Variants in TRIP12 observed in about 807,000 individuals in gnomAD.
The protein encoded by TRIP12 is thyroid hormone receptor interactor 12, also known as E3 ubiquitin-protein ligase TRIP12.
TRIP12 carries 25 observed loss-of-function variants against 244.2 expected under a neutral mutation model. That is an observed-to-expected ratio of 0.10 (90% confidence interval 0.07 to 0.14). The LOEUF is 0.14. Ranked by LOEUF, TRIP12 falls within the 10% of genes least tolerant of loss-of-function variation. The pLI is 1.00. For synonymous variants in TRIP12, 905 were observed against 873.1 expected (o/e 1.04, Z -0.64); for missense variants, 1,677 against 2,486.4 (o/e 0.67, Z 6.92).
In TRIP12 at chr2:229,802,425, T is replaced by A; in HGVS notation, c.3033A>T (p.Ser1011=). The A allele has an allele frequency of 6.2e-7, 1 of 1,613,964 alleles. No individual in the cohort carries two copies. Residue 1011 remains serine, a synonymous_variant, in exon 21 of 42, where the codon TCA becomes TCT. Coordinates refer to ENST00000675903, the MANE Select transcript of TRIP12 (RefSeq NM_001348323.3). The stretch of plus-strand genomic sequence containing the variant: ...TTGGTGGACTTGTCAACAAAGACTC[T>A]GATTCTGCTAAGTGTTTTACTTGAT... ...VMHQVKHLAE[S]ESLLTSPPKA...
rs142650179 is a variant in TRIP12, at chr2:229,786,306, G to A, written c.4996-451C>T. Among the ~76,000 whole-genome samples the A allele has an allele frequency of 3.0e-3, 449 of 151,754 alleles. 2 individuals carry two copies. Among genetic ancestry groups the A allele is most frequent in the African/African-American group, 0.01 (429 of 41,358 alleles). On this transcript the variant is annotated intron_variant, in intron 33 of 41. Coordinates refer to ENST00000675903, the MANE Select transcript of TRIP12 (RefSeq NM_001348323.3). ...CCTACAAGCACTACTACAAACACCT[G>A]CAAATGAGATTTTAAAAGGTCCTGC...
At position 229,815,246 on chromosome 2, in the gene TRIP12, C is replaced by T. The variant is rs180934231; in HGVS notation, c.1635+27G>A. ...AAAAACTCAAAACTTAAATATACAC[C>T]ATTAAAAAAATACAATATATACTTA... On this transcript the variant is annotated intron_variant, in intron 10 of 41. Transcript: ENST00000675903. 7.8e-6 allele frequency: 12 copies of T among 1,539,986 alleles called. No homozygotes were observed. In the African/African-American group the frequency reaches 1.4e-4, roughly 18 times the overall value.
chr2:229,914,706 G>T (rs1192628608), intron 1 of TRIP12, among the ~76,000 whole-genome samples: 1 of 152,154 alleles, frequency 6.6e-6, no homozygotes, highest in Non-Finnish European at 1.5e-5. Context: ...TAGGAGTTTT[G>T]AAGTCAGGGT....
intron 41 of TRIP12, 91 bp downstream of exon 41, chr2:229,768,525 A>C (rs1192942052): frequency 8.6e-7 from 1 of 1,165,436 alleles, no homozygotes; most frequent in African/African-American, 1.6e-5. Context: ...TGCAAGTGAG[A>C]TAAAGAATCT....
chr2:229,789,806 AG>A (rs756937057), intron 30 of TRIP12, 44 bp from the exon 31 acceptor site: 2 of 1,605,998 alleles, frequency 1.2e-6, no homozygotes, highest in Non-Finnish European at 1.7e-6. Context: ...AAAGTTAGAA[AG>A]GCTAAGCCAG....
At position 229,829,127 on chromosome 2, in the gene TRIP12, G is replaced by T. The variant is rs2052595923; in HGVS notation, c.1450+66C>A. 49 of 1,448,294 alleles carry T rather than the reference G, an allele frequency of 3.4e-5. No individual in the cohort carries two copies. The South Asian group carries it at 5.7e-4, about 17-fold the overall frequency. The allele number at this position is 1,448,294 out of a possible 1,614,324, so 89.7% of individuals were successfully genotyped here. On this transcript the variant is annotated intron_variant, in intron 8 of 41. Coordinates refer to ENST00000675903, the MANE Select transcript of TRIP12 (RefSeq NM_001348323.3). ...AACTTCTTAATACTTACATCAATAG[G>T]TTACAAGTAACAATAGCAGTTGGCT...
chr2:229,877,672 CA>C (rs2063871559), intron 2 of TRIP12, among the ~76,000 whole-genome samples: 1 of 152,178 alleles, frequency 6.6e-6, no homozygotes, highest in Admixed American at 6.5e-5. Flanking sequence ...GCAAGAGTCC[CA>C]ATGCAACCTG....
chr2:229,877,251 T>G (rs1422325380), intron 2 of TRIP12, among the ~76,000 whole-genome samples: 1 of 152,006 alleles, frequency 6.6e-6, no homozygotes, highest in Non-Finnish European at 1.5e-5. Flanking sequence ...ATTTACAAAA[T>G]TTTTTAGGCT....
chr2:229,912,479 G>A (rs965236569), intron 1 of TRIP12, among the ~76,000 whole-genome samples: 3 of 151,860 alleles, frequency 2.0e-5, no homozygotes, highest in African/African-American at 7.3e-5. Flanking sequence ...TCATATATAT[G>A]GACCCTCTAC....
At chr2:229,802,890 C>CA (rs1011792243) in intron 20 of TRIP12, among the ~76,000 whole-genome samples, 151 of 148,078 alleles carry the variant, frequency 1.0e-3, no homozygotes, top group African/African-American at 2.1e-3. Flanking sequence ...ACACTGCCAC[C>CA]AAAAAAAAAA....
At chr2:229,822,995 AG>A (rs1441806086) in intron 8 of TRIP12, among the ~76,000 whole-genome samples, 1 of 152,240 alleles carries the variant, frequency 6.6e-6, no homozygotes, top group African/African-American at 2.4e-5. Flanking sequence ...ACTGATCAAT[AG>A]GAAGTTTTCC....
intron 1 of TRIP12, among the ~76,000 whole-genome samples, chr2:229,909,322 G>A (rs902726496): frequency 6.6e-6 from 1 of 151,890 alleles, no homozygotes; most frequent in African/African-American, 2.4e-5. Context: ...ACAGTGGAAG[G>A]ATCACTTGAG....
intron 1 of TRIP12, among the ~76,000 whole-genome samples, chr2:229,883,169 A>C (rs141650908): frequency 0.023 from 3,502 of 152,266 alleles, 58 homozygotes; most frequent in Middle Eastern, 0.065. Flanking sequence ...CAAATGAAGA[A>C]AGTTCCAAGT....
chr2:229,770,191 A>G (rs987252371), intron 39 of TRIP12, among the ~76,000 whole-genome samples: 3 of 152,092 alleles, frequency 2.0e-5, no homozygotes, highest in African/African-American at 7.2e-5. Flanking sequence ...CTAATCTTAA[A>G]TTTCCGAGCT....
At chr2:229,786,154 G>A (rs1396111289) in intron 33 of TRIP12, among the ~76,000 whole-genome samples, 3 of 152,104 alleles carry the variant, frequency 2.0e-5, no homozygotes, top group African/African-American at 7.2e-5. Context: ...AAATATCAGT[G>A]CAATTCTCAG....
intron 26 of TRIP12, among the ~76,000 whole-genome samples, chr2:229,793,582 T>A (rs1009983601): frequency 6.6e-6 from 1 of 152,226 alleles, no homozygotes; most frequent in African/African-American, 2.4e-5. Flanking sequence ...CAATATTACA[T>A]TAAAAACTAA....
At chr2:229,821,626 T>C (rs1455875483) in intron 8 of TRIP12, among the ~76,000 whole-genome samples, 1 of 152,204 alleles carries the variant, frequency 6.6e-6, no homozygotes, top group Non-Finnish European at 1.5e-5. Context: ...AAATATTCTC[T>C]TTTAAAATGT....
chr2:229,789,634 G>C lies in TRIP12; in HGVS notation c.4672C>G (p.Arg1558Gly), dbSNP rs1452438528. Residue 1558 changes from arginine to glycine, a missense_variant, in exon 31 of 42, where the codon CGA becomes GGA. Arg to Gly is a moderately radical substitution (Grantham distance 125). This residue lies in a region of TRIP12 where 265 missense variants were observed against 370.8 expected (regional missense o/e 0.71). Transcript: ENST00000675903. The stretch of plus-strand genomic sequence containing the variant: ...ACATCATACAAGTAATACCAGTATC[G>C]ACTGATAGCATGTAAAACTCTTAAA... Reference protein sequence around the residue: ...LLLRVLHAISRYWYYLYDNAM... With the variant: ...LLLRVLHAISGYWYYLYDNAM... 1 of 1,613,638 alleles carries C rather than the reference G, an allele frequency of 6.2e-7. No individual in the cohort carries two copies.
intron 6 of TRIP12, among the ~76,000 whole-genome samples, chr2:229,833,831 A>G (rs2054076079): frequency 6.6e-6 from 1 of 151,832 alleles, no homozygotes; most frequent in Non-Finnish European, 1.5e-5. Flanking sequence ...CCAAAACAAA[A>G]CAAAAAAAAA....
Sources: allele counts gnomAD v4.1 joint callset (sites outside exome capture counted in the v4.1 genomes callset), GRCh38; gene constraint gnomAD v4.1.1; regional missense constraint gnomAD v4.1.1; transcripts MANE v1.5; gene names NCBI Gene and HGNC (gene_info 2026-07-23, HGNC 2026-07-21).